Variants in UGT1A4 observed in about 807,000 individuals in gnomAD.
UGT1A4 encodes UDP glucuronosyltransferase family 1 member A4, also known as UDP-glucuronosyltransferase 1A4.
In UGT1A4, 32 loss-of-function variants were observed where a neutral mutation model predicts 41.1. The ratio of observed to expected loss-of-function variants is 0.78; its 90% CI spans 0.59 to 1.05. The LOEUF is 1.05. UGT1A4 is among the 50% of genes least tolerant of loss of function. The pLI is 0.00. For synonymous variants in UGT1A4, 283 were observed against 265.1 expected (o/e 1.07, Z -0.66); for missense variants, 748 against 677.4 (o/e 1.10, Z -1.16).
intron 4 of UGT1A4, among the ~76,000 whole-genome samples, chr2:233,768,707 C>T (rs1156909231): frequency 6.0e-5 from 9 of 150,670 alleles, no homozygotes; most frequent in Non-Finnish European, 1.3e-4. Flanking sequence ...CCTCAGCCTC[C>T]GTGTAGCTGG....
At chr2:233,754,918 G>A (rs1172980350) in intron 1 of UGT1A4, 1 of 1,353,118 alleles carries the variant, frequency 7.4e-7, no homozygotes. Flanking sequence ...TTCTCCAGCG[G>A]GTTTCCCAAG....
At chr2:233,748,952 T>TC (rs753200268) in intron 1 of UGT1A4, among the ~76,000 whole-genome samples, 4 of 151,666 alleles carry the variant, frequency 2.6e-5, no homozygotes, top group South Asian at 2.1e-4. Flanking sequence ...CCTATCCCAC[T>TC]CCAAGTTTCT....
intron 1 of UGT1A4, among the ~76,000 whole-genome samples, chr2:233,744,198 G>A (rs1317214415): frequency 6.6e-6 from 1 of 151,870 alleles, no homozygotes; most frequent in Non-Finnish European, 1.5e-5. Flanking sequence ...CTCCAAAAAG[G>A]ATGGGAAAAA....
At chr2:233,734,182 A>C (rs1380375014) in intron 1 of UGT1A4, among the ~76,000 whole-genome samples, 2 of 152,146 alleles carry the variant, frequency 1.3e-5, no homozygotes, top group African/African-American at 4.8e-5. Context: ...TAGGCTATTA[A>C]TTATTGCCTC....
At chr2:233,728,928 C>G (rs545859432) in intron 1 of UGT1A4, among the ~76,000 whole-genome samples, 4,928 of 152,196 alleles carry the variant, frequency 0.032, 259 homozygotes, top group African/African-American at 0.11. Context: ...TAGTCATGAT[C>G]GGTCTTTTCC....
chr2:233,739,222 A>G (rs1312187699), intron 1 of UGT1A4, among the ~76,000 whole-genome samples: 1 of 152,214 alleles, frequency 6.6e-6, no homozygotes, highest in Non-Finnish European at 1.5e-5. Flanking sequence ...TAGAGTCCTT[A>G]TAGAGAACCT....
intron 1 of UGT1A4, among the ~76,000 whole-genome samples, chr2:233,745,292 C>G (rs13426130): frequency 6.6e-6 from 1 of 151,882 alleles, no homozygotes. Context: ...TGGGGATAAA[C>G]GTGGGATGCA....
At chr2:233,747,932 G>C in intron 1 of UGT1A4, 1 of 1,613,428 alleles carries the variant, frequency 6.2e-7, no homozygotes, top group Non-Finnish European at 8.5e-7. Flanking sequence ...AGCTTTTTCA[G>C]AGGGAGGTGT....
intron 1 of UGT1A4, among the ~76,000 whole-genome samples, chr2:233,740,004 G>C (rs1691279372): frequency 6.6e-6 from 1 of 151,810 alleles, no homozygotes; most frequent in African/African-American, 2.4e-5. Context: ...GTCATACTAA[G>C]TGAGTTCTCA....
chr2:233,744,088 A>C, intron 1 of UGT1A4: 1 of 431,958 alleles, frequency 2.3e-6, no homozygotes, highest in South Asian at 2.0e-5. Context: ...CCCAAGATGC[A>C]GTGCTTCTGG....
intron 1 of UGT1A4, among the ~76,000 whole-genome samples, chr2:233,757,562 G>GTATATATATATATATATATATATACATA (rs1491042837): frequency 2.2e-5 from 2 of 90,870 alleles, no homozygotes; most frequent in African/African-American, 1.0e-4. Flanking sequence ...ATATATATAT[G>GTATATATATATATATATATATATACATA]TATATATGAT....
Position 233,719,636 on chromosome 2 carries a change from C to G in UGT1A4, c.816C>G (p.Asn272Lys), listed in dbSNP as rs1397748790. The change falls in exon 1 of 5, where the codon AAC (asparagine) becomes AAG (lysine). Residue 272 changes from asparagine to lysine, a missense_variant. Physicochemically the swap from Asn to Lys is moderately conservative, Grantham distance 94. Coordinates refer to ENST00000373409, the MANE Select transcript of UGT1A4 (RefSeq NM_007120.3). ...ACTACCCCAGGCCGATCATGCCCAA[C>G]ATGGTCTTCATTGGGGGCATCAACT... ...VMDYPRPIMP[N>K]MVFIGGINCA... is the part of the protein sequence containing the mutation. 1.2e-6 allele frequency: 2 copies of G among 1,614,094 alleles called. No homozygotes were observed. Among genetic ancestry groups the G allele is most frequent in the Non-Finnish European group, 1.7e-6 (2 of 1,179,960 alleles).
chr2:233,734,406 C>A (rs543210294), intron 1 of UGT1A4, among the ~76,000 whole-genome samples: 1 of 152,048 alleles, frequency 6.6e-6, no homozygotes, highest in East Asian at 1.9e-4. Flanking sequence ...CTATTTGATT[C>A]TTCTCTCTTT....
chr2:233,743,581 A>C lies in UGT1A4; in HGVS notation c.868-23453A>C, dbSNP rs28900376. 32 of 1,367,320 alleles carry C rather than the reference A, an allele frequency of 2.3e-5. No individual in the cohort carries two copies. The East Asian group carries it at 4.1e-4, about 17-fold the overall frequency. 84.7% of individuals were successfully genotyped at this position (1,367,320 alleles called of 1,614,324 possible). Reference sequence around the variant, plus strand: ...TCTCCAGCGGGTTTCCCAAGAGGTCAAAGGAGAATGGGTCCTGGCCGCCGA... The same window carrying C: ...TCTCCAGCGGGTTTCCCAAGAGGTCCAAGGAGAATGGGTCCTGGCCGCCGA... On this transcript the variant is annotated intron_variant, in intron 1 of 4. Transcript: ENST00000373409.
At chr2:233,720,103 C>T (rs2076831013) in intron 1 of UGT1A4, among the ~76,000 whole-genome samples, 1 of 152,162 alleles carries the variant, frequency 6.6e-6, no homozygotes, top group African/African-American at 2.4e-5. Flanking sequence ...GTGGTCCCAT[C>T]TTGCGAAAGA....
chr2:233,729,273 G>A (rs759495463), intron 1 of UGT1A4: 2 of 1,614,242 alleles, frequency 1.2e-6, no homozygotes, highest in Non-Finnish European at 1.7e-6. Context: ...AGGTCTTGCG[G>A]GAGCTCCATG....
At chr2:233,739,499 A>T (rs927597154) in intron 1 of UGT1A4, among the ~76,000 whole-genome samples, 8 of 152,214 alleles carry the variant, frequency 5.3e-5, no homozygotes, top group African/African-American at 1.4e-4. Context: ...CATCACCTTG[A>T]TCTAGATGTG....
chr2:233,768,426 A>G lies in UGT1A4; in HGVS notation c.1294A>G (p.Ile432Val), dbSNP rs1699609546. 6.2e-7 allele frequency: 1 copy of G among 1,614,122 alleles called. No homozygotes were observed. Among genetic ancestry groups the G allele is most frequent in the African/African-American group, 1.3e-5 (1 of 75,056 alleles). The change falls in exon 4 of 5, where the codon ATC (isoleucine) becomes GTC (valine). Residue 432 changes from isoleucine (I) to valine (V), a missense_variant. By Grantham distance (29) the Ile-to-Val change is conservative. Transcript: ENST00000373409. ...EDLENALKAVINDKSYKENIM... is the reference protein window; with the variant it reads ...EDLENALKAVVNDKSYKENIM... ...TTTAGAAAATGCTCTAAAAGCAGTC[A>G]TCAATGACAAAAGGTAAGAAAGAAG...
intron 1 of UGT1A4, among the ~76,000 whole-genome samples, chr2:233,739,926 A>G (rs1487240865): frequency 2.0e-5 from 3 of 151,650 alleles, no homozygotes; most frequent in Non-Finnish European, 4.4e-5. Context: ...CATAATCCCC[A>G]TGTGTTAAGG....
Sources: allele counts gnomAD v4.1 joint callset (sites outside exome capture counted in the v4.1 genomes callset), GRCh38; gene constraint gnomAD v4.1.1; transcripts MANE v1.5; gene names NCBI Gene and HGNC (gene_info 2026-07-23, HGNC 2026-07-21).